PTPRD: variants seen among roughly 807,000 people sequenced by gnomAD.
PTPRD encodes protein tyrosine phosphatase receptor type D.
A neutral mutation model predicts 214.5 loss-of-function variants in PTPRD; 34 were observed. The ratio of observed to expected loss-of-function variants is 0.16; its 90% CI spans 0.12 to 0.21. The LOEUF is 0.21. Ranked by LOEUF, PTPRD falls within the 10% of genes least tolerant of loss-of-function variation. The pLI, the probability that PTPRD is intolerant of heterozygous loss-of-function variation, is 1.00. For missense variants in PTPRD, 2,545 were observed against 2,398.7 expected, an observed-to-expected ratio of 1.06 and a Z score of -1.27; for synonymous variants, 1,128 against 845.7, an observed-to-expected ratio of 1.33 and a Z score of -5.79.
intron 10 of PTPRD, among the ~76,000 whole-genome samples, chr9:9,047,477 G>T (rs2154389433): frequency 6.6e-6 from 1 of 152,144 alleles, no homozygotes; most frequent in South Asian, 2.1e-4. Flanking sequence ...AAAACTGACA[G>T]AATCATATTA....
intron 9 of PTPRD, among the ~76,000 whole-genome samples, chr9:9,318,854 G>C (rs1007786754): frequency 1.3e-5 from 2 of 152,148 alleles, no homozygotes; most frequent in South Asian, 2.1e-4. Context: ...GATAATCAAA[G>C]TGGATAAACT....
At chr9:9,023,287 G>C (rs545658154) in intron 10 of PTPRD, among the ~76,000 whole-genome samples, 25 of 152,050 alleles carry the variant, frequency 1.6e-4, no homozygotes, top group Non-Finnish European at 3.4e-4. Flanking sequence ...ATTTCATTTA[G>C]AATTTTCCAA....
rs145519981 is a variant in PTPRD, at chr9:9,357,183, G to A, written c.-203+40266C>T. On this transcript the variant is annotated intron_variant, in intron 9 of 45. Transcript: ENST00000381196. ...CAGCAAACAGCTGATTTAGACACCA[G>A]CACAATCTGGTTTCATAAATACTGT... 1.7e-3 allele frequency among the ~76,000 whole-genome samples: 261 copies of A among 151,374 alleles called. 1 individual carries two copies. Among genetic ancestry groups the A allele is most frequent in the African/African-American group, 6.0e-3 (250 of 41,434 alleles).
At chr9:9,914,682 G>C (rs1295413249) in intron 5 of PTPRD, among the ~76,000 whole-genome samples, 1 of 152,064 alleles carries the variant, frequency 6.6e-6, no homozygotes, top group Admixed American at 6.5e-5. Context: ...AAGAGAGCAT[G>C]TGATTGTATT....
chr9:8,767,574 G>A (rs968487110), intron 11 of PTPRD, among the ~76,000 whole-genome samples: 3 of 152,252 alleles, frequency 2.0e-5, no homozygotes, highest in South Asian at 2.1e-4. Flanking sequence ...TGCACCATAC[G>A]TTGAGTCATA....
chr9:8,992,214 T>C (rs1422109564), intron 11 of PTPRD, among the ~76,000 whole-genome samples: 1 of 152,174 alleles, frequency 6.6e-6, no homozygotes, highest in African/African-American at 2.4e-5. Context: ...AAATGTCAAG[T>C]GTAAACATAT....
At chr9:9,389,646 T>C (rs1284987200) in intron 9 of PTPRD, among the ~76,000 whole-genome samples, 3 of 152,204 alleles carry the variant, frequency 2.0e-5, no homozygotes, top group Admixed American at 2.0e-4. Flanking sequence ...TATATATTCA[T>C]GTGTATTATG....
At chr9:9,369,728 A>C (rs957423727) in intron 9 of PTPRD, among the ~76,000 whole-genome samples, 4 of 151,870 alleles carry the variant, frequency 2.6e-5, no homozygotes, top group East Asian at 3.9e-4. Flanking sequence ...TTCTTCTAGG[A>C]TTTTTATGGT....
intron 12 of PTPRD, among the ~76,000 whole-genome samples, chr9:8,681,351 A>AG (rs2097546030): frequency 6.6e-6 from 1 of 152,220 alleles, no homozygotes; most frequent in Admixed American, 6.5e-5. Flanking sequence ...TAGCTAGCGA[A>AG]GAAAAAAAAA....
intron 5 of PTPRD, among the ~76,000 whole-genome samples, chr9:9,919,867 T>C (rs1602154304): frequency 6.6e-6 from 1 of 152,174 alleles, no homozygotes; most frequent in South Asian, 2.1e-4. Flanking sequence ...CTGCCAGGAT[T>C]GAGTGACATG....
At chr9:9,272,149 A>G (rs1232896788) in intron 9 of PTPRD, among the ~76,000 whole-genome samples, 1 of 151,208 alleles carries the variant, frequency 6.6e-6, no homozygotes, top group African/African-American at 2.4e-5. Context: ...TCTGCAGTGT[A>G]TCCTTCCCAA....
intron 3 of PTPRD, among the ~76,000 whole-genome samples, chr9:10,316,292 T>C (rs1035868553): frequency 1.1e-4 from 16 of 151,518 alleles, no homozygotes; most frequent in African/African-American, 2.4e-5. Context: ...TAGCATATTG[T>C]CCTCTACTAT....
At chr9:10,312,433 T>C (rs1438241256) in intron 3 of PTPRD, among the ~76,000 whole-genome samples, 1 of 152,008 alleles carries the variant, frequency 6.6e-6, no homozygotes, top group Admixed American at 6.6e-5. Flanking sequence ...AAGTAGAATA[T>C]ATAGACGCCT....
intron 7 of PTPRD, among the ~76,000 whole-genome samples, chr9:9,696,361 C>T (rs114451811): frequency 9.1e-4 from 139 of 152,186 alleles, no homozygotes; most frequent in African/African-American, 2.9e-3. Flanking sequence ...CTTCATTGAC[C>T]TTCTGCCTGG....
In PTPRD at chr9:8,755,286, T is replaced by A. The variant is rs148805212; in HGVS notation, c.-103-21340A>T. ...GGCTCACGCCTGTAATCCCAGCACT[T>A]TGGGAGGCCGAGGTGGACGGATCAC... On this transcript the variant is annotated intron_variant, in intron 11 of 45. Coordinates refer to ENST00000381196, the MANE Select transcript of PTPRD (RefSeq NM_002839.4). Among the ~76,000 whole-genome samples the A allele has an allele frequency of 2.1e-3, 315 of 150,868 alleles. 1 individual carries two copies. Among genetic ancestry groups the A allele is most frequent in the Middle Eastern group, 7.0e-3 (2 of 286 alleles).
rs146764387 is a variant in PTPRD at position 8,858,723 on chromosome 9, G to C, written c.-103-124777C>G. Among the ~76,000 whole-genome samples, 637 of 151,660 alleles carry C rather than the reference G, an allele frequency of 4.2e-3. 2 individuals carry two copies. Among genetic ancestry groups the C allele is most frequent in the African/African-American group, 0.015 (612 of 41,318 alleles). On this transcript the variant is annotated intron_variant, in intron 11 of 45. Transcript: ENST00000381196. ...GCCCGCTGGCGAATCCCTGAATCTG[G>C]ACCACTGACCCACTGAAAGGGCCAG...
At chr9:9,472,499 G>A (rs193256395) in intron 8 of PTPRD, among the ~76,000 whole-genome samples, 149 of 151,922 alleles carry the variant, frequency 9.8e-4, no homozygotes, top group African/African-American at 3.5e-3. Context: ...CACCACGCCC[G>A]GCCCCCTACT....
rs926417581 is a variant in PTPRD, at chr9:8,996,846, T to G, written c.-104+21851A>C. 2.6e-5 allele frequency among the ~76,000 whole-genome samples: 4 copies of G among 152,156 alleles called. No homozygotes were observed. In the South Asian group the frequency reaches 6.2e-4, roughly 24 times the overall value. On this transcript the variant is annotated intron_variant, in intron 11 of 45. Coordinates refer to ENST00000381196, the MANE Select transcript of PTPRD (RefSeq NM_002839.4). ...GGGTTAGATTTCAATATATGAATTT[T>G]GGGGGATATAACATTTGGACCATAG...
At chr9:10,237,010 T>C (rs541479321) in intron 3 of PTPRD, among the ~76,000 whole-genome samples, 162 of 152,026 alleles carry the variant, frequency 1.1e-3, no homozygotes, top group African/African-American at 3.7e-3. Flanking sequence ...ATAATGTTAA[T>C]ACATGTCATT....
Sources: gnomAD v4.1 joint callset for allele counts (sites outside exome capture counted in the v4.1 genomes callset) on GRCh38, gnomAD v4.1.1 for gene constraint, MANE v1.5 for transcripts, NCBI Gene and HGNC (gene_info 2026-07-23, HGNC 2026-07-21) for gene names.